Variants in HUNK observed in about 807,000 individuals in gnomAD.
HUNK encodes hormonally up-regulated Neu-associated kinase.
HUNK carries 21 observed loss-of-function variants against 61.0 expected under a neutral mutation model. That is an observed-to-expected ratio of 0.34 (90% CI 0.24 to 0.50). The LOEUF is 0.50. Ranked by LOEUF, HUNK falls within the 20% of genes least tolerant of loss-of-function variation. The pLI, the probability that HUNK is intolerant of heterozygous loss-of-function variation, is 0.98. For synonymous variants in HUNK, 371 were observed against 386.1 expected, an observed-to-expected ratio of 0.96 and a Z score of 0.46; for missense variants, 772 against 945.7, an observed-to-expected ratio of 0.82 and a Z score of 2.41.
chr21:31,874,014 G>A, intron 1 of HUNK, 79 bp downstream of exon 1: 4 of 1,162,214 alleles, frequency 3.4e-6, no homozygotes, highest in Non-Finnish European at 4.5e-6. Flanking sequence ...GCACTGCACT[G>A]GGAGTCCCAG....
intron 7 of HUNK, among the ~76,000 whole-genome samples, chr21:31,977,040 G>C (rs1399686427): frequency 6.6e-6 from 1 of 152,076 alleles, no homozygotes; most frequent in African/African-American, 2.4e-5. Flanking sequence ...CAAAGTGCTA[G>C]GAATACAGCT....
chr21:31,912,491 G>A (rs1202856020), intron 1 of HUNK, among the ~76,000 whole-genome samples: 3 of 152,122 alleles, frequency 2.0e-5, no homozygotes, highest in Non-Finnish European at 4.4e-5. Context: ...GGGGAGGAGA[G>A]GGGTAGAGTT....
chr21:31,883,685 A>G (rs566631215), intron 1 of HUNK, among the ~76,000 whole-genome samples: 1 of 152,194 alleles, frequency 6.6e-6, no homozygotes, highest in Non-Finnish European at 1.5e-5. Context: ...ATGGAGCCCT[A>G]TCAATTGTGT....
In HUNK at chr21:32,000,312, A is replaced by G. The variant is rs889544191; in HGVS notation, c.*1128A>G. On this transcript the variant is annotated 3_prime_UTR_variant, in exon 11 of 11. Coordinates refer to ENST00000270112, the MANE Select transcript of HUNK (RefSeq NM_014586.2). ...TGCCTGGCAGAGAACCTGTTCAGAT[A>G]CAGGCCAGTTTCTTCTTCGAGGAAA... 9 of 398,980 alleles carry G rather than the reference A, an allele frequency of 2.3e-5. No individual in the cohort carries two copies. Among genetic ancestry groups the G allele is most frequent in the African/African-American group, 1.4e-4 (7 of 48,634 alleles). The allele number at this position is 398,980 out of a possible 1,614,324, so 24.7% of individuals were successfully genotyped here.
chr21:31,906,021 T>TC (rs1294097616), intron 1 of HUNK, among the ~76,000 whole-genome samples: 2 of 152,050 alleles, frequency 1.3e-5, no homozygotes, highest in African/African-American at 4.8e-5. Context: ...TGTCTCTCCC[T>TC]CCCCTGGGTT....
At chr21:31,923,554 G>A (rs1232589711) in intron 1 of HUNK, among the ~76,000 whole-genome samples, 7 of 121,960 alleles carry the variant, frequency 5.7e-5, no homozygotes, top group Non-Finnish European at 9.8e-5. Flanking sequence ...AGGAAGGAAA[G>A]AAGGAAGGAA....
intron 10 of HUNK, among the ~76,000 whole-genome samples, chr21:31,997,061 C>T (rs556826081): frequency 3.3e-5 from 5 of 152,358 alleles, no homozygotes; most frequent in African/African-American, 1.2e-4. Flanking sequence ...GGCAGGGAGG[C>T]TTCCCAGTGC....
Position 31,998,927 on chromosome 21 carries a change from C to A in HUNK, c.1888C>A (p.Pro630Thr). The A allele has an allele frequency of 6.2e-7, 1 of 1,614,220 alleles. No individual in the cohort carries two copies. The highest frequency in any genetic ancestry group is 8.5e-7 in the Non-Finnish European group (1 of 1,180,044). ...TTTTGCTCACGAAGATAAGAACAGCCCCCCAAAAGAGGAGGGCCTGTGTTG... is the reference window on the plus strand; with the variant it reads ...TTTTGCTCACGAAGATAAGAACAGCACCCCAAAAGAGGAGGGCCTGTGTTG... ...VSFAHEDKNSPPKEEGLCCPP... is the reference protein window; with the variant it reads ...VSFAHEDKNSTPKEEGLCCPP... Residue 630 changes from proline (P) to threonine (T), a missense_variant, in exon 11 of 11, where the codon CCC becomes ACC. By Grantham distance (38) the Pro-to-Thr change is conservative (BLOSUM62 -1). Coordinates refer to ENST00000270112, the MANE Select transcript of HUNK (RefSeq NM_014586.2).
In HUNK at chr21:31,999,876, A is replaced by ATT. The variant is rs5843536; in HGVS notation, c.*699_*700dup. 38 of 284,502 alleles carry ATT rather than the reference A, an allele frequency of 1.3e-4. No individual in the cohort carries two copies. The highest frequency in any genetic ancestry group is 1.8e-4 in the Non-Finnish European group (28 of 154,156). The allele number at this position is 284,502 out of a possible 1,614,324, so 17.6% of individuals were successfully genotyped here. A position where few individuals can be genotyped will look rare whatever the true frequency, so the allele number is the denominator to read the frequency against. ...AATGATTGAATTATCTTTTCCAAAG[A>ATT]TTTTTTTTAAATGTGATGTCGGTAA... is the stretch of plus-strand genomic sequence containing the variant. On this transcript the variant is annotated 3_prime_UTR_variant, in exon 11 of 11. Coordinates refer to ENST00000270112, the MANE Select transcript of HUNK (RefSeq NM_014586.2).
intron 1 of HUNK, among the ~76,000 whole-genome samples, chr21:31,916,102 G>C (rs1048642780): frequency 7.3e-6 from 1 of 136,062 alleles, no homozygotes; most frequent in Non-Finnish European, 1.5e-5. Context: ...CCAGGCTGGA[G>C]TGCAGCGGCG....
chr21:31,901,132 AC>A (rs2052464187), intron 1 of HUNK, among the ~76,000 whole-genome samples: 1 of 152,202 alleles, frequency 6.6e-6, no homozygotes, highest in African/African-American at 2.4e-5. Context: ...TTAATTAATT[AC>A]ATCTGCAATG....
chr21:31,943,656 T>C (rs2052783480), intron 3 of HUNK, among the ~76,000 whole-genome samples: 1 of 152,226 alleles, frequency 6.6e-6, no homozygotes, highest in African/African-American at 2.4e-5. Context: ...TAAGTTTTCT[T>C]CTTGAAACTG....
intron 2 of HUNK, among the ~76,000 whole-genome samples, chr21:31,931,571 G>C (rs1043417098): frequency 1.3e-5 from 2 of 152,030 alleles, no homozygotes; most frequent in Non-Finnish European, 2.9e-5. Flanking sequence ...GGCCGGGTTG[G>C]CGGGTCCATT....
rs927854290 is a variant in HUNK, at chr21:31,892,371, G to C, written c.261+18436G>C. 4.6e-5 allele frequency among the ~76,000 whole-genome samples: 7 copies of C among 151,460 alleles called. 1 individual carries two copies. The South Asian group carries it at 1.5e-3, about 31-fold the overall frequency. ...ACCTGAGATCAGGAGTTCAAGACCA[G>C]CTTGGCCAACATGGTGAGACCTCTG... On this transcript the variant is annotated intron_variant, in intron 1 of 10. Transcript: ENST00000270112.
chr21:31,937,583 G>A (rs2052740833), intron 2 of HUNK, among the ~76,000 whole-genome samples: 1 of 152,142 alleles, frequency 6.6e-6, no homozygotes, highest in African/African-American at 2.4e-5. Context: ...CACTGCACAA[G>A]GACTCAAAAA....
chr21:31,996,258 G>A (rs1390537084), intron 10 of HUNK, among the ~76,000 whole-genome samples: 1 of 152,238 alleles, frequency 6.6e-6, no homozygotes, highest in Non-Finnish European at 1.5e-5. Flanking sequence ...GCAGAGATCA[G>A]GGTGTGTGGT....
At chr21:31,953,638 A>G (rs1458375077) in intron 4 of HUNK, among the ~76,000 whole-genome samples, 1 of 152,202 alleles carries the variant, frequency 6.6e-6, no homozygotes, top group African/African-American at 2.4e-5. Flanking sequence ...CAATTTATCA[A>G]GCTTAATTTA....
chr21:31,908,437 C>T (rs575766520), intron 1 of HUNK, among the ~76,000 whole-genome samples: 3 of 151,682 alleles, frequency 2.0e-5, no homozygotes, highest in Non-Finnish European at 4.4e-5. Flanking sequence ...GGGTGGTGGC[C>T]AGGAAGGAAC....
At chr21:31,973,581 GTGATGATGATGA>G (rs34890227) in intron 6 of HUNK, among the ~76,000 whole-genome samples, 1 of 150,202 alleles carries the variant, frequency 6.7e-6, no homozygotes, top group African/African-American at 2.5e-5. Flanking sequence ...GATGGTGGTG[GTGATGATGATGA>G]TGATGATGAT....
Sources: gnomAD v4.1 joint callset for allele counts (sites outside exome capture counted in the v4.1 genomes callset) on GRCh38, gnomAD v4.1.1 for gene constraint, MANE v1.5 for transcripts, NCBI Gene and HGNC (gene_info 2026-07-23, HGNC 2026-07-21) for gene names.